Variants in NPY2R observed in about 807,000 individuals in gnomAD.
NPY2R encodes neuropeptide Y receptor Y2, also known as neuropeptide Y receptor type 2.
In NPY2R, 17 loss-of-function variants were observed where a neutral mutation model predicts 22.3. The ratio of observed to expected loss-of-function variants is 0.76; its 90% CI spans 0.52 to 1.14. The LOEUF is 1.14. NPY2R is among the 50% of genes most tolerant of loss of function. The pLI is 0.00. For synonymous variants in NPY2R, 209 were observed against 183.4 expected, an observed-to-expected ratio of 1.14 and a Z score of -1.13; for missense variants, 424 against 467.9, an observed-to-expected ratio of 0.91 and a Z score of 0.87.
the NPY2R span, among the ~76,000 whole-genome samples, chr4:155,196,743 G>A: frequency 7.9e-5 from 12 of 151,830 alleles, no homozygotes; most frequent in Non-Finnish European, 1.8e-4. Flanking sequence ...CCCTGTGAGT[G>A]CCTTCCAGAT....
chr4:155,191,047 A>G, the NPY2R span, among the ~76,000 whole-genome samples: 2 of 151,900 alleles, frequency 1.3e-5, no homozygotes, highest in African/African-American at 2.4e-5. Flanking sequence ...GAAGTTATCT[A>G]TTTCATTGTT....
the NPY2R span, among the ~76,000 whole-genome samples, chr4:155,187,345 T>A: frequency 6.6e-6 from 1 of 152,316 alleles, no homozygotes; most frequent in African/African-American, 2.4e-5. Flanking sequence ...TAGATCCCCA[T>A]CATCTTGGCA....
At chr4:155,182,539 C>T in the NPY2R span, among the ~76,000 whole-genome samples, 5 of 152,032 alleles carry the variant, frequency 3.3e-5, no homozygotes, top group African/African-American at 9.7e-5. Flanking sequence ...GTCAACAGAG[C>T]GAATGATGTT....
the NPY2R span, among the ~76,000 whole-genome samples, chr4:155,198,728 G>C: frequency 6.7e-6 from 1 of 148,930 alleles, no homozygotes; most frequent in African/African-American, 2.5e-5. Flanking sequence ...AGTTCAGATA[G>C]ATTAAATGAC....
rs139109001 is a variant in NPY2R at position 155,212,553 on chromosome 4, G to A, written c.-48-1339G>A. On this transcript the variant is annotated intron_variant, in intron 1 of 1. Transcript: ENST00000329476. ...GCATGATGCATGCAGGTTTGAAGAA[G>A]TAAAGGCGCCAGGATGGTAAAGCCA... is the stretch of plus-strand genomic sequence containing the variant. Among the ~76,000 whole-genome samples the A allele has an allele frequency of 2.6e-3, 396 of 152,322 alleles. 2 individuals carry two copies. The highest frequency in any genetic ancestry group is 0.01 in the Middle Eastern group (3 of 294).
the NPY2R span, among the ~76,000 whole-genome samples, chr4:155,178,853 G>A: frequency 6.6e-6 from 1 of 152,122 alleles, no homozygotes; most frequent in Non-Finnish European, 1.5e-5. Context: ...TACTTTTGCT[G>A]TTTCTCCCCT....
upstream of NPY2R, among the ~76,000 whole-genome samples, chr4:155,203,668 T>G (rs1344412213): frequency 1.3e-5 from 2 of 152,144 alleles, no homozygotes; most frequent in Non-Finnish European, 2.9e-5. Context: ...CAAATGGCCA[T>G]TAGGATATCT....
At chr4:155,177,893 G>A in the NPY2R span, among the ~76,000 whole-genome samples, 12 of 152,106 alleles carry the variant, frequency 7.9e-5, no homozygotes, top group East Asian at 2.1e-3. Flanking sequence ...TGGAGGTTAA[G>A]TTTCACCATA....
chr4:155,214,222 G>T lies in NPY2R; in HGVS notation c.283G>T (p.Ala95Ser). Residue 95 changes from alanine (A) to serine (S), a missense_variant, in exon 2 of 2, where the codon GCA (alanine) becomes TCA (serine). By Grantham distance (99) the Ala-to-Ser change is moderately conservative. Transcript: ENST00000329476. ...CTTTTTCATTGCCAATCTGGCTGTGGCAGATCTTTTGGTGAACACTCTGTG... is the reference window on the plus strand; with the variant it reads ...CTTTTTCATTGCCAATCTGGCTGTGTCAGATCTTTTGGTGAACACTCTGTG... ...TNFFIANLAVADLLVNTLCLP... is the reference protein window; with the variant it reads ...TNFFIANLAVSDLLVNTLCLP... The T allele has an allele frequency of 6.2e-7, 1 of 1,614,124 alleles. No homozygotes were observed. The highest frequency in any genetic ancestry group is 8.5e-7 in the Non-Finnish European group (1 of 1,180,002).
At chr4:155,174,427 T>C in the NPY2R span, 2 of 146,184 alleles carry the variant, frequency 1.4e-5, no homozygotes, top group African/African-American at 5.2e-5. Context: ...CTCAGATATT[T>C]GGACAAGGAA....
Position 155,215,291 on chromosome 4 carries a change from T to G in NPY2R, c.*206T>G. ...TCAAAGATAAGGCAACAAAATGGTT[T>G]ACTTAACAGTTGGTTGGGTAGTAGG... On this transcript the variant is annotated 3_prime_UTR_variant, in exon 2 of 2. Transcript: ENST00000329476. 1.5e-6 allele frequency: 1 copy of G among 651,922 alleles called. No homozygotes were observed. The highest frequency in any genetic ancestry group is 2.8e-6 in the Non-Finnish European group (1 of 356,868). 40.4% of individuals were successfully genotyped at this position (651,922 alleles called of 1,614,324 possible).
At chr4:155,206,167 T>TCAAACAAACAAA (rs1430119999), upstream of NPY2R, among the ~76,000 whole-genome samples, 25 of 152,244 alleles carry the variant, frequency 1.6e-4, no homozygotes, top group African/African-American at 6.0e-4. Context: ...GCATCTGAGT[T>TCAAACAAACAAA]TGAGTCTGTT....
the NPY2R span, among the ~76,000 whole-genome samples, chr4:155,195,827 G>T: frequency 6.6e-6 from 1 of 151,922 alleles, no homozygotes; most frequent in Non-Finnish European, 1.5e-5. Flanking sequence ...GTTTAAAACT[G>T]CCATGAAATA....
At chr4:155,212,108 G>A (rs1165468473) in intron 1 of NPY2R, among the ~76,000 whole-genome samples, 1 of 152,174 alleles carries the variant, frequency 6.6e-6, no homozygotes, top group African/African-American at 2.4e-5. Context: ...GCCCAGCCAA[G>A]CATTATCTGT....
Position 155,208,813 on chromosome 4 carries a change from G to T in NPY2R, c.-305G>T, listed in dbSNP as rs1019895812. 2 of 152,174 alleles carry T rather than the reference G, an allele frequency of 1.3e-5. No homozygotes were observed. Among genetic ancestry groups the T allele is most frequent in the African/African-American group, 4.8e-5 (2 of 41,436 alleles). The allele number at this position is 152,174 out of a possible 1,614,324, so 9.4% of individuals were successfully genotyped here. A position where few individuals can be genotyped will look rare whatever the true frequency, so the allele number is the denominator to read the frequency against. Reference sequence around the variant, plus strand: ...TCCCACCTTCACCCGCCCACCCCGCGAGTGAGTGCGGTGCCCAGGCGCGCT... The same window carrying T: ...TCCCACCTTCACCCGCCCACCCCGCTAGTGAGTGCGGTGCCCAGGCGCGCT... On this transcript the variant is annotated 5_prime_UTR_variant, in exon 1 of 2. Transcript: ENST00000329476. The surrounding 1 kb of genome is among the most constrained non-coding windows in gnomAD (Gnocchi z 5.6).
At chr4:155,177,840 G>A in the NPY2R span, among the ~76,000 whole-genome samples, 1 of 152,036 alleles carries the variant, frequency 6.6e-6, no homozygotes, top group Non-Finnish European at 1.5e-5. Flanking sequence ...AGGTCTGCTT[G>A]AGCCACCACA....
In NPY2R at chr4:155,214,754, GT is replaced by G; in HGVS notation, c.816del (p.Cys272TrpfsTer29). On this transcript the variant is annotated frameshift_variant, in exon 2 of 2. Transcript: ENST00000329476. LOFTEE classifies it high-confidence loss of function. ...RRQKTTKMLV[C>X]VVVVFAVSWL... ...CAAAAAACCACCAAAATGCTGGTGT[GT>G]GTGGTGGTGGTGTTTGCGGTCAGCT... is the stretch of plus-strand genomic sequence containing the variant. The G allele has an allele frequency of 2.5e-6, 4 of 1,614,208 alleles. No individual in the cohort carries two copies. Among genetic ancestry groups the G allele is most frequent in the Non-Finnish European group, 3.4e-6 (4 of 1,180,014 alleles).
Position 155,214,837 on chromosome 4 carries a change from C to G in NPY2R, c.898C>G (p.Leu300Val). Reference protein sequence around the residue: ...AVDIDSQVLDLKEYKLIFTVF... With the variant: ...AVDIDSQVLDVKEYKLIFTVF... ...TGACATTGACAGCCAGGTCCTGGAC[C>G]TGAAGGAGTACAAACTCATCTTCAC... Residue 300 changes from leucine (L) to valine (V), a missense_variant, in exon 2 of 2, where the codon CTG (leucine) becomes GTG (valine). Physicochemically the swap from Leu to Val is conservative, Grantham distance 32. Transcript: ENST00000329476. 6.2e-7 allele frequency: 1 copy of G among 1,610,384 alleles called. No individual in the cohort carries two copies. The highest frequency in any genetic ancestry group is 1.1e-5 in the South Asian group (1 of 90,736).
chr4:155,186,025 A>G, the NPY2R span, among the ~76,000 whole-genome samples: 5 of 152,182 alleles, frequency 3.3e-5, no homozygotes, highest in Non-Finnish European at 7.4e-5. Context: ...GCCACTCTGT[A>G]TCATACTAAG....
Sources: allele counts gnomAD v4.1 joint callset (sites outside exome capture counted in the v4.1 genomes callset), GRCh38; gene constraint gnomAD v4.1.1; non-coding constraint Gnocchi (gnomAD v3.1); transcripts MANE v1.5; gene names NCBI Gene and HGNC (gene_info 2026-07-23, HGNC 2026-07-21).